PIP5K1B: variants seen among roughly 807,000 people sequenced by gnomAD.
PIP5K1B encodes the protein phosphatidylinositol-4-phosphate 5-kinase type 1 beta.
In PIP5K1B, 42 loss-of-function variants were observed where a neutral mutation model predicts 67.0. The observed-to-expected ratio is 0.63, with a 90% CI of 0.49 to 0.81. PIP5K1B has a LOEUF of 0.81. Among genes scored for constraint, PIP5K1B ranks in the 30% least tolerant of loss-of-function variants. The pLI is 0.00. For synonymous variants in PIP5K1B, 214 were observed against 231.4 expected, an observed-to-expected ratio of 0.92 and a Z score of 0.68; for missense variants, 459 against 646.3, an observed-to-expected ratio of 0.71 and a Z score of 3.14.
intron 2 of PIP5K1B, among the ~76,000 whole-genome samples, chr9:68,750,238 A>G (rs1829553550): frequency 6.6e-6 from 1 of 152,104 alleles, no homozygotes; most frequent in South Asian, 2.1e-4. Flanking sequence ...AAAGATGCAC[A>G]TGTTTTAATA....
At chr9:68,875,955 A>G (rs1380928688) in intron 5 of PIP5K1B, among the ~76,000 whole-genome samples, 1 of 152,220 alleles carries the variant, frequency 6.6e-6, no homozygotes, top group Admixed American at 6.5e-5. Context: ...AGTAAAAAGT[A>G]CAGAAGGGGC....
At chr9:68,981,008 A>G (rs927135529) in intron 14 of PIP5K1B, among the ~76,000 whole-genome samples, 3 of 152,232 alleles carry the variant, frequency 2.0e-5, no homozygotes, top group African/African-American at 7.2e-5. Flanking sequence ...TATAGTCACA[A>G]TACTATAAAC....
rs139753634 is a variant in PIP5K1B at position 68,952,925 on chromosome 9, A to G, written c.1502+12135A>G. Among the ~76,000 whole-genome samples the G allele has an allele frequency of 7.2e-3, 1,087 of 150,616 alleles. 3 individuals are homozygous for G. Among genetic ancestry groups the G allele is most frequent in the African/African-American group, 0.012 (502 of 40,818 alleles). Reference sequence around the variant, plus strand: ...TGTAAACTCTTTGATTTTCTCTCAGAGTCTCAGTATTTCATGATGCTAGGC... The same window carrying G: ...TGTAAACTCTTTGATTTTCTCTCAGGGTCTCAGTATTTCATGATGCTAGGC... On this transcript the variant is annotated intron_variant, in intron 14 of 15. Coordinates refer to ENST00000265382, the MANE Select transcript of PIP5K1B (RefSeq NM_003558.4).
At chr9:68,832,506 A>G (rs1834372785) in intron 4 of PIP5K1B, among the ~76,000 whole-genome samples, 1 of 152,210 alleles carries the variant, frequency 6.6e-6, no homozygotes, top group Non-Finnish European at 1.5e-5. Context: ...GTCCTGTGTC[A>G]GCTGCTTTTA....
chr9:68,768,870 GTTGGCCC>G (rs890244326), intron 2 of PIP5K1B, among the ~76,000 whole-genome samples: 10 of 152,110 alleles, frequency 6.6e-5, no homozygotes, highest in African/African-American at 2.2e-4. Flanking sequence ...TCTATCTGTT[GTTGGCCC>G]TTGGAGGCAT....
intron 2 of PIP5K1B, among the ~76,000 whole-genome samples, chr9:68,785,408 T>C (rs1029183982): frequency 6.6e-6 from 1 of 152,158 alleles, no homozygotes; most frequent in African/African-American, 2.4e-5. Flanking sequence ...AAGCCTTGAG[T>C]GCCACTTACT....
intron 15 of PIP5K1B, among the ~76,000 whole-genome samples, chr9:68,997,647 TA>T (rs1830653096): frequency 6.6e-6 from 1 of 152,200 alleles, no homozygotes; most frequent in South Asian, 2.1e-4. Flanking sequence ...GCTTGGCCCC[TA>T]AGTTATTGAC....
At chr9:68,752,489 CT>C (rs922905006) in intron 2 of PIP5K1B, among the ~76,000 whole-genome samples, 13 of 151,676 alleles carry the variant, frequency 8.6e-5, no homozygotes, top group African/African-American at 1.9e-4. Context: ...TTTATTCTTT[CT>C]TTTTTTTTCT....
chr9:68,986,069 T>C (rs1423293906), intron 14 of PIP5K1B, among the ~76,000 whole-genome samples: 2 of 152,242 alleles, frequency 1.3e-5, no homozygotes, highest in East Asian at 3.8e-4. Context: ...AACATTCATA[T>C]ACAAGTTTGT....
chr9:68,971,049 C>T (rs1175018470), intron 14 of PIP5K1B, among the ~76,000 whole-genome samples: 4 of 152,056 alleles, frequency 2.6e-5, no homozygotes, highest in African/African-American at 7.3e-5. Context: ...GTATGCAGAA[C>T]GTGCAGGTTT....
intron 2 of PIP5K1B, chr9:68,782,078 A>G (rs974296644): frequency 4.8e-5 from 8 of 167,086 alleles, no homozygotes; most frequent in African/African-American, 1.9e-4. Context: ...TCCCTTGTTC[A>G]GGAAGGAAGC....
At chr9:68,934,616 T>C (rs199537104) in intron 12 of PIP5K1B, among the ~76,000 whole-genome samples, 2 of 26,284 alleles carry the variant, frequency 7.6e-5, no homozygotes, top group African/African-American at 1.0e-4. Context: ...AGTAAGACTT[T>C]ATTGCAAAAT....
intron 12 of PIP5K1B, among the ~76,000 whole-genome samples, chr9:68,933,933 CA>C (rs1237259162): frequency 6.6e-6 from 1 of 152,088 alleles, no homozygotes; most frequent in Non-Finnish European, 1.5e-5. Flanking sequence ...CTGAGATTCC[CA>C]AGGCTAAACA....
chr9:68,811,507 A>G (rs1833164145), intron 2 of PIP5K1B, among the ~76,000 whole-genome samples: 1 of 152,148 alleles, frequency 6.6e-6, no homozygotes, highest in South Asian at 2.1e-4. Flanking sequence ...TGGCATCTCC[A>G]ATAGTGACTG....
chr9:68,898,718 C>T (rs1825216214), intron 8 of PIP5K1B, among the ~76,000 whole-genome samples: 1 of 152,218 alleles, frequency 6.6e-6, no homozygotes. Flanking sequence ...CCTCCTCTCC[C>T]TCTTTCCCTG....
chr9:68,729,593 A>G (rs1196856103), intron 1 of PIP5K1B, among the ~76,000 whole-genome samples: 2 of 152,216 alleles, frequency 1.3e-5, no homozygotes, highest in Non-Finnish European at 2.9e-5. Context: ...TATGTAAGGT[A>G]TGTGTATAAT....
intron 4 of PIP5K1B, among the ~76,000 whole-genome samples, chr9:68,860,997 G>A (rs148494703): frequency 7.0e-4 from 107 of 152,320 alleles, no homozygotes; most frequent in Non-Finnish European, 1.4e-3. Flanking sequence ...AACAGTGCCT[G>A]CCATTTAGTA....
intron 4 of PIP5K1B, 126 bp from the exon 5 acceptor site, chr9:68,863,711 A>C (rs1469432445): frequency 1.4e-6 from 1 of 709,092 alleles, no homozygotes; most frequent in Non-Finnish European, 2.2e-6. Flanking sequence ...ATCTTGCCAA[A>C]CCTCAGCCTC....
Position 68,863,835 on chromosome 9 carries a change from AG to A in PIP5K1B, c.70-1del. ...ATGTTGAGACCCTTGTTTTCTTTGC[AG>A]ACTGCATCATCTGCTATTAAAGGTG... On this transcript the variant is annotated splice_acceptor_variant, in intron 4 of 15. Coordinates refer to ENST00000265382, the MANE Select transcript of PIP5K1B (RefSeq NM_003558.4). LOFTEE classifies it high-confidence loss of function. 1 of 1,613,422 alleles carries A rather than the reference AG, an allele frequency of 6.2e-7. No homozygotes were observed. The highest frequency in any genetic ancestry group is 8.5e-7 in the Non-Finnish European group (1 of 1,179,626).
Sources: gnomAD v4.1 joint callset for allele counts (sites outside exome capture counted in the v4.1 genomes callset) on GRCh38, gnomAD v4.1.1 for gene constraint, MANE v1.5 for transcripts, NCBI Gene and HGNC (gene_info 2026-07-23, HGNC 2026-07-21) for gene names.